The following TRIP12 variants were observed in gnomAD, a reference collection of about 807,000 sequenced individuals.
TRIP12 encodes the protein thyroid hormone receptor interactor 12.
In TRIP12, 25 loss-of-function variants were observed where a neutral mutation model predicts 244.2. The observed-to-expected ratio is 0.10, with a 90% CI of 0.07 to 0.14. The LOEUF is 0.14. TRIP12 is among the 10% of genes least tolerant of loss of function. TRIP12 has a pLI of 1.00. For synonymous variants in TRIP12, 905 were observed against 873.1 expected (o/e 1.04, Z -0.64); for missense variants, 1,677 against 2,486.4 (o/e 0.67, Z 6.92).
chr2:229,864,047 A>AGTGAGTGTGT (rs1553712196), intron 2 of TRIP12, among the ~76,000 whole-genome samples: 91 of 79,304 alleles, frequency 1.1e-3, no homozygotes, highest in East Asian at 5.7e-3. Flanking sequence ...AGAGAGAGAG[A>AGTGAGTGTGT]GTGTGTGTGT....
At chr2:229,879,032 C>T (rs975303833) in intron 2 of TRIP12, among the ~76,000 whole-genome samples, 3 of 152,018 alleles carry the variant, frequency 2.0e-5, no homozygotes, top group East Asian at 1.9e-4. Flanking sequence ...GCGGGTGAAT[C>T]GCTTGAGGTC....
chr2:229,862,450 A>T (rs977233120), intron 2 of TRIP12, among the ~76,000 whole-genome samples: 1 of 152,178 alleles, frequency 6.6e-6, no homozygotes, highest in Non-Finnish European at 1.5e-5. Flanking sequence ...TATGTCATTC[A>T]GGTCCTCTAC....
At chr2:229,896,593 C>T (rs899121587) in intron 1 of TRIP12, among the ~76,000 whole-genome samples, 25 of 152,246 alleles carry the variant, frequency 1.6e-4, no homozygotes, top group African/African-American at 5.8e-4. Flanking sequence ...CCCTGGGTGA[C>T]AGAGCAAGAC....
intron 1 of TRIP12, among the ~76,000 whole-genome samples, chr2:229,884,869 G>C (rs2065687690): frequency 6.6e-6 from 1 of 152,158 alleles, no homozygotes; most frequent in African/African-American, 2.4e-5. Context: ...AACTCAGAAG[G>C]CTGAGGTGGA....
rs11320004 is a variant in TRIP12, at chr2:229,787,828, TC to T, written c.4839-168del. Among the ~76,000 whole-genome samples, 143,913 of 152,246 alleles carry T rather than the reference TC, an allele frequency of 0.95. 68,097 individuals are homozygous for T. The highest frequency in any genetic ancestry group is 1 in the East Asian group (5,180 of 5,182). Reference sequence around the variant, plus strand: ...TTTATTTATTTATTTTGAGATGGAGTCCTTGCTCCTGTCGCCCAGGCTGGAG... The same window carrying T: ...TTTATTTATTTATTTTGAGATGGAGTCTTGCTCCTGTCGCCCAGGCTGGAG... On this transcript the variant is annotated intron_variant, in intron 32 of 41. Transcript: ENST00000675903.
intron 39 of TRIP12, among the ~76,000 whole-genome samples, chr2:229,770,913 T>C (rs1009177089): frequency 1.3e-5 from 2 of 152,200 alleles, no homozygotes; most frequent in Non-Finnish European, 2.9e-5. Flanking sequence ...CCCAGCCACG[T>C]GGAACTCTAA....
At chr2:229,879,245 C>T (rs1309013915) in intron 2 of TRIP12, among the ~76,000 whole-genome samples, 4 of 152,046 alleles carry the variant, frequency 2.6e-5, no homozygotes, top group African/African-American at 9.7e-5. Context: ...AGCGATGAGA[C>T]TCTCAAAAAC....
At chr2:229,865,452 A>G (rs1056069770) in intron 2 of TRIP12, among the ~76,000 whole-genome samples, 2 of 151,890 alleles carry the variant, frequency 1.3e-5, no homozygotes, top group Non-Finnish European at 1.5e-5. Flanking sequence ...CCTGAATTTA[A>G]TTTTTATGCT....
intron 5 of TRIP12, among the ~76,000 whole-genome samples, chr2:229,839,591 A>G (rs2055827364): frequency 6.6e-6 from 1 of 152,028 alleles, no homozygotes; most frequent in African/African-American, 2.4e-5. Context: ...AGGCAGGAGA[A>G]TGGCGTGAAC....
intron 4 of TRIP12, among the ~76,000 whole-genome samples, chr2:229,842,882 C>T (rs1559795188): frequency 1.3e-5 from 2 of 152,168 alleles, no homozygotes; most frequent in Non-Finnish European, 2.9e-5. Context: ...TTTACACTGT[C>T]TTCAACTATA....
At chr2:229,775,264 G>A (rs1301024745) in intron 37 of TRIP12, among the ~76,000 whole-genome samples, 6 of 151,642 alleles carry the variant, frequency 4.0e-5, no homozygotes, top group Non-Finnish European at 7.4e-5. Context: ...ACAGAATTAT[G>A]TCCATTTTTA....
intron 1 of TRIP12, among the ~76,000 whole-genome samples, chr2:229,886,962 A>G (rs1050002341): frequency 6.6e-6 from 1 of 152,234 alleles, no homozygotes; most frequent in African/African-American, 2.4e-5. Context: ...CTTCTTAAAA[A>G]GAAATCATGA....
chr2:229,867,687 G>A (rs2061818954), intron 2 of TRIP12, among the ~76,000 whole-genome samples: 1 of 152,120 alleles, frequency 6.6e-6, no homozygotes, highest in Non-Finnish European at 1.5e-5. Context: ...CCAAGACTGG[G>A]AAAGCTTTTT....
intron 26 of TRIP12, among the ~76,000 whole-genome samples, chr2:229,794,557 C>T (rs895961567): frequency 4.1e-5 from 6 of 146,924 alleles, no homozygotes. Flanking sequence ...CAAAGTAAGA[C>T]TCTGTCCCAA....
At chr2:229,839,402 G>T (rs1234824283) in intron 5 of TRIP12, among the ~76,000 whole-genome samples, 1 of 152,020 alleles carries the variant, frequency 6.6e-6, no homozygotes. Flanking sequence ...GACTGGCCGG[G>T]CACGGTGGCT....
chr2:229,831,175 T>A (rs974368030), intron 6 of TRIP12: 1 of 702,486 alleles, frequency 1.4e-6, no homozygotes, highest in Non-Finnish European at 2.6e-6. Context: ...CATACTGCTG[T>A]AACAATTGTG....
intron 2 of TRIP12, among the ~76,000 whole-genome samples, chr2:229,873,378 C>A (rs2063029191): frequency 6.6e-6 from 1 of 152,188 alleles, no homozygotes; most frequent in African/African-American, 2.4e-5. Context: ...AAAACAATTT[C>A]TCCTAAACCT....
chr2:229,921,790 G>C (rs1003323889), intron 1 of TRIP12, 90 bp downstream of exon 1: 11 of 150,948 alleles, frequency 7.3e-5, no homozygotes, highest in African/African-American at 2.7e-4. Flanking sequence ...GGGACTTTCT[G>C]TTCCAGCTCC....
chr2:229,830,713 G>A (rs769047099), intron 7 of TRIP12, 43 bp downstream of exon 7: 1 of 1,522,776 alleles, frequency 6.6e-7, no homozygotes, highest in Admixed American at 1.7e-5. Context: ...TTAACAGGTA[G>A]CTCATGGTAA....
Sources: allele counts gnomAD v4.1 joint callset (sites outside exome capture counted in the v4.1 genomes callset), GRCh38; gene constraint gnomAD v4.1.1; transcripts MANE v1.5; gene names NCBI Gene and HGNC (gene_info 2026-07-23, HGNC 2026-07-21).